The following XAF1 variants were observed in gnomAD, a reference collection of about 807,000 sequenced individuals.
XAF1 encodes the protein XIAP associated factor 1.
A neutral mutation model predicts 32.3 loss-of-function variants in XAF1; 32 were observed. That is an observed-to-expected ratio of 0.99 (90% CI 0.75 to 1.33). XAF1 has a LOEUF of 1.33. XAF1 is among the 40% of genes most tolerant of loss of function. The probability of loss-of-function intolerance (pLI) is 0.00; values close to 1 mark genes in which losing one functional copy is unlikely to be tolerated. For synonymous variants in XAF1, 120 were observed against 125.9 expected (o/e 0.95, Z 0.31); for missense variants, 379 against 366.0 (o/e 1.04, Z -0.29).
chr17:6,767,637 A>ATT (rs1975711780), intron 5 of XAF1, among the ~76,000 whole-genome samples: 2 of 152,230 alleles, frequency 1.3e-5, no homozygotes, highest in Non-Finnish European at 2.9e-5. Context: ...AAATACAGTC[A>ATT]TTTTCTTAAT....
chr17:6,765,330 G>A (rs775108923), intron 5 of XAF1, among the ~76,000 whole-genome samples: 30 of 152,030 alleles, frequency 2.0e-4, no homozygotes, highest in Non-Finnish European at 3.4e-4. Context: ...GGAGAATGGC[G>A]TGAACCCAGG....
Position 6,770,665 on chromosome 17 carries a change from A to G in XAF1, c.530A>G (p.Glu177Gly), listed in dbSNP as rs1252296319. ...CAGGGTAAATGTTGTCCAGACTCAG[A>G]GTTTAAGAAACACTTTCCTGTTGGA... ...HHMGKCCPDS[E>G]FKKHFPVGNP... The change falls in exon 6 of 7, where the codon GAG becomes GGG. Residue 177 changes from glutamate to glycine, a missense_variant. Physicochemically the swap from Glu to Gly is moderately conservative, Grantham distance 98. Coordinates refer to ENST00000361842, the MANE Select transcript of XAF1 (RefSeq NM_017523.5). 8 of 1,598,700 alleles carry G rather than the reference A, an allele frequency of 5.0e-6. No individual in the cohort carries two copies. Among genetic ancestry groups the G allele is most frequent in the Non-Finnish European group, 6.8e-6 (8 of 1,175,262 alleles).
chr17:6,771,747 T>G (rs1976050726), intron 6 of XAF1: 1 of 152,192 alleles, frequency 6.6e-6, no homozygotes, highest in Non-Finnish European at 1.5e-5. Context: ...AAAATTTATT[T>G]TTTTTCAAAA....
At position 6,760,555 on chromosome 17, in the gene XAF1, CCAGCA is replaced by C; in HGVS notation, c.379_383del (p.His127ArgfsTer6). ...AGTTCATCATGCACCGCATGCTCGCCCAGCACAGAGATGTCTGTCGCAGTGAACAG... is the reference window on the plus strand; with the variant it reads ...AGTTCATCATGCACCGCATGCTCGCCCAGAGATGTCTGTCGCAGTGAACAG... On this transcript the variant is annotated frameshift_variant, in exon 4 of 7. Coordinates refer to ENST00000361842, the MANE Select transcript of XAF1 (RefSeq NM_017523.5). LOFTEE classifies it high-confidence loss of function. The C allele has an allele frequency of 6.2e-7, 1 of 1,613,380 alleles. No individual in the cohort carries two copies. Among genetic ancestry groups the C allele is most frequent in the South Asian group, 1.1e-5 (1 of 91,010 alleles).
intron 4 of XAF1, among the ~76,000 whole-genome samples, chr17:6,760,937 C>T (rs1355157799): frequency 2.3e-4 from 35 of 152,078 alleles, no homozygotes; most frequent in Admixed American, 2.3e-3. Context: ...GGCAGATCAC[C>T]TGAGGTTGGG....
intron 5 of XAF1, 129 bp from the exon 6 acceptor site, chr17:6,770,514 T>C (rs113866218): frequency 2.7e-6 from 2 of 745,736 alleles, no homozygotes; most frequent in South Asian, 2.8e-5. Flanking sequence ...AAATTGAATG[T>C]CTGTCACATT....
At position 6,761,796 on chromosome 17, in the gene XAF1, T is replaced by C. The variant is rs897076886; in HGVS notation, c.422-359T>C. 20 of 1,291,486 alleles carry C rather than the reference T, an allele frequency of 1.5e-5. No individual in the cohort carries two copies. In the African/African-American group the frequency reaches 3.0e-4, roughly 19 times the overall value. The allele number at this position is 1,291,486 out of a possible 1,614,324, so 80.0% of individuals were successfully genotyped here. A position where few individuals can be genotyped will look rare whatever the true frequency, so the allele number is the denominator to read the frequency against. On this transcript the variant is annotated intron_variant, in intron 4 of 6. Transcript: ENST00000361842. ...TGTGTTCAACCAACACCTGGTCTGA[T>C]CACAGAGTCTGAAAACTGGTGCAAT...
chr17:6,772,938 G>T (rs377073408), intron 6 of XAF1, 175 bp from the exon 7 acceptor site: 7 of 535,576 alleles, frequency 1.3e-5, no homozygotes, highest in African/African-American at 8.0e-5. Context: ...AAACTTTGTC[G>T]CAAGCCTCCT....
chr17:6,764,231 A>C (rs1975426930), intron 5 of XAF1, among the ~76,000 whole-genome samples: 1 of 152,174 alleles, frequency 6.6e-6, no homozygotes, highest in South Asian at 2.1e-4. Context: ...ACCAGCCAAC[A>C]CCAGATCTAT....
intron 5 of XAF1, among the ~76,000 whole-genome samples, chr17:6,765,270 G>A (rs960749426): frequency 5.9e-5 from 9 of 152,034 alleles, no homozygotes; most frequent in East Asian, 1.9e-4. Context: ...AAACTTAGCC[G>A]GGTGTGGTGG....
chr17:6,773,064 G>GC, intron 6 of XAF1, 49 bp from the exon 7 acceptor site: 1 of 1,487,356 alleles, frequency 6.7e-7, no homozygotes. Context: ...CTAGGAGCTA[G>GC]CACTTCTTAC....
chr17:6,762,111 T>G, intron 4 of XAF1, 44 bp from the exon 5 acceptor site: 1 of 1,611,440 alleles, frequency 6.2e-7, no homozygotes, highest in East Asian at 2.2e-5. Flanking sequence ...GGCTAGCCGT[T>G]GACAAGGACA....
chr17:6,772,134 G>A (rs1976077931), intron 6 of XAF1, among the ~76,000 whole-genome samples: 1 of 152,032 alleles, frequency 6.6e-6, no homozygotes, highest in Admixed American at 6.6e-5. Flanking sequence ...CATATTTGCT[G>A]GGGGTGTTAC....
intron 6 of XAF1, 84 bp downstream of exon 6, chr17:6,771,068 A>T: frequency 1.3e-6 from 2 of 1,483,918 alleles, no homozygotes; most frequent in Non-Finnish European, 1.8e-6. Flanking sequence ...AAAGATGTTC[A>T]CAAATGTTGT....
rs149170701 is a variant in XAF1, at chr17:6,770,677, A to G, written c.542A>G (p.His181Arg). The G allele has an allele frequency of 2.5e-4, 409 of 1,606,804 alleles. 5 individuals are homozygous for G. In the East Asian group the frequency reaches 7.1e-3, roughly 28 times the overall value. Residue 181 changes from histidine (H) to arginine (R), a missense_variant, in exon 6 of 7, where the codon CAC becomes CGC. His to Arg is a conservative substitution (Grantham distance 29). Coordinates refer to ENST00000361842, the MANE Select transcript of XAF1 (RefSeq NM_017523.5). ...TGTCCAGACTCAGAGTTTAAGAAAC[A>G]CTTTCCTGTTGGAAATCCAGAAATT... ...KCCPDSEFKKHFPVGNPEILP... is the reference protein window; with the variant it reads ...KCCPDSEFKKRFPVGNPEILP...
rs377304300 is a variant in XAF1 at position 6,761,514 on chromosome 17, G to A, written c.422-641G>A. Among the ~76,000 whole-genome samples, 5 of 152,130 alleles carry A rather than the reference G, an allele frequency of 3.3e-5. No homozygotes were observed. The East Asian group carries it at 7.7e-4, about 23-fold the overall frequency. Reference sequence around the variant, plus strand: ...AACCATCAGTGTGACAGATCCTTTGGTGTCTTTGCTAGTTGTTTTGGTAAC... The same window carrying A: ...AACCATCAGTGTGACAGATCCTTTGATGTCTTTGCTAGTTGTTTTGGTAAC... On this transcript the variant is annotated intron_variant, in intron 4 of 6. Transcript: ENST00000361842.
Position 6,758,191 on chromosome 17 carries a change from C to T in XAF1, c.135C>T (p.Thr45=), listed in dbSNP as rs777544690. The T allele has an allele frequency of 6.8e-6, 11 of 1,614,220 alleles. No individual in the cohort carries two copies. The highest frequency in any genetic ancestry group is 9.3e-6 in the Non-Finnish European group (11 of 1,180,040). The part of the protein sequence containing the change: ...PECEEPVPKE[T]MEEHCKLEHQ... Reference sequence around the variant, plus strand: ...GTGAGGAGCCTGTCCCCAAGGAAACCATGGAGGAGCACTGCAAGCTTGAGC... The same window carrying T: ...GTGAGGAGCCTGTCCCCAAGGAAACTATGGAGGAGCACTGCAAGCTTGAGC... Residue 45 remains threonine (T), a synonymous_variant, in exon 2 of 7, where the codon ACC becomes ACT. Coordinates refer to ENST00000361842, the MANE Select transcript of XAF1 (RefSeq NM_017523.5).
rs896474047 is a variant in XAF1 at position 6,765,682 on chromosome 17, G to A, written c.507+3442G>A. 2.6e-5 allele frequency among the ~76,000 whole-genome samples: 4 copies of A among 152,154 alleles called. No homozygotes were observed. In the South Asian group the frequency reaches 6.2e-4, roughly 24 times the overall value. On this transcript the variant is annotated intron_variant, in intron 5 of 6. Transcript: ENST00000361842. ...AGGCCAAAATCTCAGGTTCACTCTCGACTTCTCTTTCCCTCCGCATTGCTA... is the reference window on the plus strand; with the variant it reads ...AGGCCAAAATCTCAGGTTCACTCTCAACTTCTCTTTCCCTCCGCATTGCTA...
At chr17:6,764,743 C>T (rs1975466115) in intron 5 of XAF1, among the ~76,000 whole-genome samples, 1 of 152,134 alleles carries the variant, frequency 6.6e-6, no homozygotes, top group Non-Finnish European at 1.5e-5. Flanking sequence ...CGTAGAAAAA[C>T]ATTTGAGCTA....
Sources: allele counts gnomAD v4.1 joint callset (sites outside exome capture counted in the v4.1 genomes callset), GRCh38; gene constraint gnomAD v4.1.1; transcripts MANE v1.5; gene names NCBI Gene and HGNC (gene_info 2026-07-23, HGNC 2026-07-21).